Variants in YBX3 observed in about 807,000 individuals in gnomAD.
The protein encoded by YBX3 is Y-box binding protein 3, also known as Y-box-binding protein 3.
YBX3 carries 29 observed loss-of-function variants against 42.4 expected under a neutral mutation model. The ratio of observed to expected loss-of-function variants is 0.68; its 90% CI spans 0.51 to 0.93. YBX3 has a LOEUF of 0.93. YBX3 is among the 40% of genes least tolerant of loss of function. YBX3 has a pLI of 0.00. For missense variants in YBX3, 517 were observed against 527.5 expected, an observed-to-expected ratio of 0.98 and a Z score of 0.19; for synonymous variants, 195 against 189.8, an observed-to-expected ratio of 1.03 and a Z score of -0.22.
chr12:10,717,820 A>G (rs1274910527), intron 3 of YBX3: 1 of 296,608 alleles, frequency 3.4e-6, no homozygotes, highest in Non-Finnish European at 6.2e-6. Context: ...TAAGGACTCA[A>G]AGGCTTTAAA....
intron 6 of YBX3, 33 bp from the exon 7 acceptor site, chr12:10,704,181 C>CA: frequency 6.3e-7 from 1 of 1,583,788 alleles, no homozygotes; most frequent in South Asian, 1.1e-5. Context: ...CAGTGAGTGT[C>CA]ACAGCACAGG....
intron 5 of YBX3, chr12:10,711,980 G>C (rs188943711): frequency 8.5e-5 from 13 of 152,282 alleles, no homozygotes; most frequent in Admixed American, 2.0e-4. Flanking sequence ...CTCATTCCTA[G>C]CTATCCCCCT....
In YBX3 at chr12:10,719,083, T is replaced by C; in HGVS notation, c.323A>G (p.Asn108Ser). The change falls in exon 2 of 10, where the codon AAT (asparagine) becomes AGT (serine). Residue 108 changes from asparagine (N) to serine (S), a missense_variant. This residue lies in a region of YBX3 where 420 missense variants were observed against 408.5 expected (regional missense o/e 1.03). Transcript: ENST00000228251. ...GCAAATATACACACACACATACCGA[T>C]TTATAAATCCATATCCATTTCTGAC... Reference protein sequence around the residue: ...FNVRNGYGFINRNDTKEDVFV... With the variant: ...FNVRNGYGFISRNDTKEDVFV... 1.2e-6 allele frequency: 2 copies of C among 1,613,064 alleles called. No individual in the cohort carries two copies. The highest frequency in any genetic ancestry group is 2.2e-5 in the East Asian group (1 of 44,800).
Position 10,704,051 on chromosome 12 carries a change from CTACGGTACCT to C in YBX3, c.868_877del (p.Arg290AlafsTer95), listed in dbSNP as rs1296254592. On this transcript the variant is annotated frameshift_variant and splice_region_variant, in exon 7 of 10. Coordinates refer to ENST00000228251, the MANE Select transcript of YBX3 (RefSeq NM_003651.5). LOFTEE classifies it high-confidence loss of function. ...GCCATTAGTGGAAAATGCGACATAC[CTACGGTACCT>C]TGGGCGGTAAGTTGGATTTCGATGA... 4 of 1,614,012 alleles carry C rather than the reference CTACGGTACCT, an allele frequency of 2.5e-6. No individual in the cohort carries two copies. The highest frequency in any genetic ancestry group is 1.3e-5 in the African/African-American group (1 of 74,910).
intron 1 of YBX3, among the ~76,000 whole-genome samples, 173 bp downstream of exon 1, chr12:10,722,677 C>A (rs1948342445): frequency 6.6e-6 from 1 of 152,346 alleles, no homozygotes; most frequent in South Asian, 2.1e-4. Context: ...GCAAGGGAGG[C>A]GGCCAGCGCT....
chr12:10,704,001 A>T, intron 7 of YBX3, 50 bp downstream of exon 7: 3 of 1,544,012 alleles, frequency 1.9e-6, no homozygotes, highest in Non-Finnish European at 2.7e-6. Context: ...TCATTCTACC[A>T]TTGTGCACAC....
rs1005131443 is a variant in YBX3, at chr12:10,699,317, T to G, written c.*372A>C. ...TACTATATATTTCAGATTTCTTTGG[T>G]TGGGGTTCTCCCCATGTGGTATTAA... On this transcript the variant is annotated 3_prime_UTR_variant, in exon 10 of 10. Coordinates refer to ENST00000228251, the MANE Select transcript of YBX3 (RefSeq NM_003651.5). 3.9e-5 allele frequency: 6 copies of G among 152,564 alleles called. No individual in the cohort carries two copies. Among genetic ancestry groups the G allele is most frequent in the African/African-American group, 1.4e-4 (6 of 41,420 alleles). 9.5% of individuals were successfully genotyped at this position (152,564 alleles called of 1,614,324 possible).
At chr12:10,700,671 A>G (rs1321506156) in intron 9 of YBX3, among the ~76,000 whole-genome samples, 1 of 152,170 alleles carries the variant, frequency 6.6e-6, no homozygotes, top group Non-Finnish European at 1.5e-5. Context: ...CAACGACCCT[A>G]GTAAATATAA....
chr12:10,704,218 G>T, intron 6 of YBX3, 70 bp from the exon 7 acceptor site: 2 of 1,318,756 alleles, frequency 1.5e-6, no homozygotes, highest in South Asian at 1.4e-5. Context: ...ATACAGCTAT[G>T]TTCAGAATTT....
chr12:10,702,066 G>A lies in YBX3; in HGVS notation c.947C>T (p.Ala316Val). ...GEAEDKENQQ[A>V]TSGPNQPSVR... ...AGACGGCTGGTTTGGACCACTGGTG[G>A]CTTGCTGATTTTCTTTATCTTCAGC... Residue 316 changes from alanine (A) to valine (V), a missense_variant, in exon 8 of 10, where the codon GCC becomes GTC. Coordinates refer to ENST00000228251, the MANE Select transcript of YBX3 (RefSeq NM_003651.5). 1 of 1,614,202 alleles carries A rather than the reference G, an allele frequency of 6.2e-7. No individual in the cohort carries two copies. Among genetic ancestry groups the A allele is most frequent in the Non-Finnish European group, 8.5e-7 (1 of 1,180,024 alleles).
At chr12:10,714,975 C>G (rs1197600270) in intron 4 of YBX3, among the ~76,000 whole-genome samples, 3 of 151,628 alleles carry the variant, frequency 2.0e-5, no homozygotes, top group African/African-American at 7.3e-5. Context: ...GTCTTGAACT[C>G]CTGACCTCAG....
At chr12:10,714,428 A>T (rs147155029) in intron 4 of YBX3, among the ~76,000 whole-genome samples, 1 of 152,312 alleles carries the variant, frequency 6.6e-6, no homozygotes, top group East Asian at 1.9e-4. Context: ...TATCTATAAC[A>T]GACTAAACAC....
chr12:10,708,354 C>T (rs538117868), intron 6 of YBX3, among the ~76,000 whole-genome samples: 1 of 151,736 alleles, frequency 6.6e-6, no homozygotes, highest in Non-Finnish European at 1.5e-5. Context: ...AATTTCATAG[C>T]GTTGTAATAG....
chr12:10,713,453 T>C, intron 4 of YBX3, 120 bp from the exon 5 acceptor site: 1 of 1,244,492 alleles, frequency 8.0e-7, no homozygotes, highest in Non-Finnish European at 1.1e-6. Flanking sequence ...CCACTGTGAT[T>C]TTAAAAACAG....
rs974045600 is a variant in YBX3, at chr12:10,702,113, T to C, written c.900A>G (p.Arg300=). The change falls in exon 8 of 10, where the codon CGA becomes CGG. Residue 300 remains arginine, a synonymous_variant. Coordinates refer to ENST00000228251, the MANE Select transcript of YBX3 (RefSeq NM_003651.5). ...CAGCCTCTCCAACTGCTGGGGCAGG[T>C]CGTGGGCGAGGAGGTCCCCTGCTGT... ...RYRSRGPPRP[R]PAPAVGEAED... is the part of the protein sequence containing the mutation. 1.9e-6 allele frequency: 3 copies of C among 1,613,934 alleles called. No individual in the cohort carries two copies. The highest frequency in any genetic ancestry group is 1.7e-5 in the Admixed American group (1 of 59,990).
chr12:10,707,075 T>C (rs1948147172), intron 6 of YBX3, among the ~76,000 whole-genome samples: 1 of 151,536 alleles, frequency 6.6e-6, no homozygotes, highest in Admixed American at 6.6e-5. Flanking sequence ...TGCAGTTCCA[T>C]TTCTCCCCTT....
At chr12:10,701,854 A>G (rs1948082786) in intron 8 of YBX3, 106 bp downstream of exon 8, 2 of 1,319,410 alleles carry the variant, frequency 1.5e-6, no homozygotes, top group African/African-American at 1.5e-5. Flanking sequence ...ATGTTTTTAT[A>G]TTTGTTAAGT....
chr12:10,699,892 T>A (rs927353789), intron 9 of YBX3, among the ~76,000 whole-genome samples: 3 of 152,138 alleles, frequency 2.0e-5, no homozygotes, highest in Non-Finnish European at 4.4e-5. Context: ...AAAAATTTTA[T>A]AAAATTGTAT....
chr12:10,719,373 G>A (rs920380491), intron 1 of YBX3, among the ~76,000 whole-genome samples: 7 of 152,094 alleles, frequency 4.6e-5, no homozygotes, highest in African/African-American at 7.2e-5. Flanking sequence ...CAGGAAACTC[G>A]CAAGATAAGG....
Sources: allele counts gnomAD v4.1 joint callset (sites outside exome capture counted in the v4.1 genomes callset), GRCh38; gene constraint gnomAD v4.1.1; regional missense constraint gnomAD v4.1.1; transcripts MANE v1.5; gene names NCBI Gene and HGNC (gene_info 2026-07-23, HGNC 2026-07-21).